Variants in GAREM1 observed in about 807,000 individuals in gnomAD.
GAREM1 encodes the protein GRB2 associated regulator of MAPK1 subtype 1, also known as GRB2-associated and regulator of MAPK protein 1.
A neutral mutation model predicts 71.3 loss-of-function variants in GAREM1; 26 were observed. The observed-to-expected ratio is 0.36, with a 90% CI of 0.27 to 0.51. The LOEUF (loss-of-function observed/expected upper bound fraction) is 0.51. Ranked by LOEUF, GAREM1 falls within the 20% of genes least tolerant of loss-of-function variation. The probability of loss-of-function intolerance (pLI) is 0.95; values close to 1 mark genes in which losing one functional copy is unlikely to be tolerated. For missense variants in GAREM1, 1,026 were observed against 1,103.1 expected (o/e 0.93, Z 0.99); for synonymous variants, 440 against 433.2 (o/e 1.02, Z -0.20).
intron 2 of GAREM1, among the ~76,000 whole-genome samples, chr18:32,335,175 A>G (rs557040325): frequency 1.4e-4 from 21 of 152,346 alleles, no homozygotes; most frequent in Admixed American, 3.3e-4. Context: ...CTTTTATTCA[A>G]TTGTGGGCAT....
intron 4 of GAREM1, among the ~76,000 whole-genome samples, chr18:32,275,643 T>G (rs1319647847): frequency 2.0e-5 from 3 of 152,214 alleles, no homozygotes; most frequent in African/African-American, 7.2e-5. Context: ...GCCCCACCGC[T>G]AGCATACTTC....
intron 2 of GAREM1, among the ~76,000 whole-genome samples, chr18:32,318,771 G>A (rs2047404235): frequency 6.6e-6 from 1 of 152,172 alleles, no homozygotes; most frequent in Admixed American, 6.5e-5. Flanking sequence ...AATGACAGCT[G>A]AGGCCCACAG....
rs935341409 is a variant in GAREM1 at position 32,267,653 on chromosome 18, C to T, written c.*218G>A. On this transcript the variant is annotated 3_prime_UTR_variant, in exon 6 of 6. Transcript: ENST00000269209. ...CAGCTGCTGAGTGTTTGTTGAGTGA[C>T]GTACAAGGCACACCTCCAAGTGTTC... 18 of 452,434 alleles carry T rather than the reference C, an allele frequency of 4.0e-5. No homozygotes were observed. The highest frequency in any genetic ancestry group is 1.2e-4 in the African/African-American group (6 of 50,448). 28.0% of individuals were successfully genotyped at this position (452,434 alleles called of 1,614,324 possible).
intron 1 of GAREM1, among the ~76,000 whole-genome samples, chr18:32,396,436 A>G (rs1250992668): frequency 2.0e-5 from 3 of 152,218 alleles, no homozygotes; most frequent in Non-Finnish European, 4.4e-5. Context: ...GCTAACTAGA[A>G]TAACCAGTGT....
intron 2 of GAREM1, among the ~76,000 whole-genome samples, chr18:32,364,018 ATATATATATGTTTTTTT>A (rs2047900100): frequency 6.2e-5 from 3 of 48,228 alleles, no homozygotes; most frequent in African/African-American, 4.5e-4. Context: ...ATATATATAT[ATATATATATGTTTTTTT>A]TTTTTTTTTT....
chr18:32,352,014 A>G (rs192105550), intron 2 of GAREM1, among the ~76,000 whole-genome samples: 130 of 152,266 alleles, frequency 8.5e-4, no homozygotes, highest in African/African-American at 3.0e-3. Flanking sequence ...AATGATTACA[A>G]AGTACTTTTA....
At chr18:32,444,455 GA>G (rs1459656136) in intron 1 of GAREM1, among the ~76,000 whole-genome samples, 1 of 152,124 alleles carries the variant, frequency 6.6e-6, no homozygotes, top group Non-Finnish European at 1.5e-5. Flanking sequence ...AGGGTGCTAG[GA>G]AGAAAAGGCC....
intron 3 of GAREM1, among the ~76,000 whole-genome samples, chr18:32,304,156 A>G (rs993030093): frequency 1.3e-5 from 2 of 151,584 alleles, no homozygotes; most frequent in Non-Finnish European, 2.9e-5. Context: ...AAAATACAAA[A>G]ATTAGCCAGG....
At chr18:32,298,916 T>C (rs149631947) in intron 3 of GAREM1, among the ~76,000 whole-genome samples, 7 of 152,282 alleles carry the variant, frequency 4.6e-5, no homozygotes, top group African/African-American at 1.7e-4. Context: ...AGAGTTAAGA[T>C]AAATGTTAAT....
At chr18:32,281,459 G>C (rs537983886) in intron 4 of GAREM1, among the ~76,000 whole-genome samples, 1 of 152,230 alleles carries the variant, frequency 6.6e-6, no homozygotes, top group African/African-American at 2.4e-5. Flanking sequence ...CAATGAATGC[G>C]TGTTACCAAC....
chr18:32,268,111 G>A lies in GAREM1; in HGVS notation c.2391C>T (p.Gly797=), dbSNP rs775831845. ...CAGGTGGCTGCCATGGGGAACCGTC[G>A]CCACAGGATCTGGGGGCCAGCTGGA... The part of the protein sequence containing the change: ...LHLQLAPRSC[G]DGSPWQPPAD... Residue 797 remains glycine (G), a synonymous_variant, in exon 6 of 6, where the codon GGC becomes GGT. Transcript: ENST00000269209. 1.6e-5 allele frequency: 26 copies of A among 1,614,128 alleles called. No homozygotes were observed. Among genetic ancestry groups the A allele is most frequent in the Non-Finnish European group, 1.8e-5 (21 of 1,180,022 alleles).
At position 32,433,603 on chromosome 18, in the gene GAREM1, T is replaced by C. The variant is rs565368846; in HGVS notation, c.121+36705A>G. 2.0e-5 allele frequency among the ~76,000 whole-genome samples: 3 copies of C among 152,166 alleles called. No homozygotes were observed. In the South Asian group the frequency reaches 6.2e-4, roughly 32 times the overall value. The stretch of plus-strand genomic sequence containing the variant: ...AAGTTCCTGGAACTAATAAGTAAAA[T>C]TAGCAAAGCTGAAGAATATCAAGCC... On this transcript the variant is annotated intron_variant, in intron 1 of 5. Coordinates refer to ENST00000269209, the MANE Select transcript of GAREM1 (RefSeq NM_001242409.2).
In GAREM1 at chr18:32,298,952, T is replaced by TA. The variant is rs201335647; in HGVS notation, c.394-10750_394-10749insT. On this transcript the variant is annotated intron_variant, in intron 3 of 5. Transcript: ENST00000269209. ...CCTAAATGGTGTTTATATATATATA[T>TA]TTTTTTTAACACAAAATAGGGCAAG... Among the ~76,000 whole-genome samples, 633 of 149,586 alleles carry TA rather than the reference T, an allele frequency of 4.2e-3. 4 individuals are homozygous for TA. The highest frequency in any genetic ancestry group is 0.015 in the African/African-American group (576 of 39,406).
intron 2 of GAREM1, among the ~76,000 whole-genome samples, chr18:32,383,003 T>C (rs2048112160): frequency 6.6e-6 from 1 of 152,206 alleles, no homozygotes; most frequent in Admixed American, 6.5e-5. Flanking sequence ...AAACGGAATC[T>C]TTCTCATGTC....
intron 4 of GAREM1, among the ~76,000 whole-genome samples, chr18:32,284,607 AG>A (rs2046990319): frequency 1.3e-5 from 2 of 152,222 alleles, no homozygotes; most frequent in Non-Finnish European, 1.5e-5. Flanking sequence ...TGTGCCAGGT[AG>A]GACCTAAGTT....
At chr18:32,397,062 A>G (rs1279291099) in intron 1 of GAREM1, among the ~76,000 whole-genome samples, 1 of 151,928 alleles carries the variant, frequency 6.6e-6, no homozygotes, top group Non-Finnish European at 1.5e-5. Context: ...AACTAAGATA[A>G]GTGAAGGAGA....
intron 2 of GAREM1, among the ~76,000 whole-genome samples, chr18:32,370,143 G>A (rs553828528): frequency 7.9e-5 from 12 of 152,196 alleles, no homozygotes; most frequent in African/African-American, 1.7e-4. Context: ...TTTAAAAAGC[G>A]TAAGGTGGGC....
Position 32,306,197 on chromosome 18 carries a change from G to A in GAREM1, c.393+3996C>T, listed in dbSNP as rs149292697. ...CTAATTCAATTACTAAGTAGCATTTGACACAGTTGCTCATTCCTTCTTGAA... is the reference window on the plus strand; with the variant it reads ...CTAATTCAATTACTAAGTAGCATTTAACACAGTTGCTCATTCCTTCTTGAA... On this transcript the variant is annotated intron_variant, in intron 3 of 5. Transcript: ENST00000269209. 8.3e-4 allele frequency among the ~76,000 whole-genome samples: 127 copies of A among 152,230 alleles called. 1 individual carries two copies. The highest frequency in any genetic ancestry group is 2.8e-3 in the African/African-American group (117 of 41,538).
chr18:32,430,922 T>C (rs1330348869), intron 1 of GAREM1, among the ~76,000 whole-genome samples: 1 of 152,082 alleles, frequency 6.6e-6, no homozygotes, highest in Non-Finnish European at 1.5e-5. Flanking sequence ...GCCAGAAGAC[T>C]AGGAAGGGGG....
Sources: gnomAD v4.1 joint callset for allele counts (sites outside exome capture counted in the v4.1 genomes callset) on GRCh38, gnomAD v4.1.1 for gene constraint, MANE v1.5 for transcripts, NCBI Gene and HGNC (gene_info 2026-07-23, HGNC 2026-07-21) for gene names.